Variants in RAB34 observed in about 807,000 individuals in gnomAD.
RAB34 encodes the protein RAB34, member RAS oncogene family, also known as ras-related protein Rab-34.
In RAB34, 33 loss-of-function variants were observed where a neutral mutation model predicts 39.0. The observed-to-expected ratio is 0.85, with a 90% confidence interval of 0.64 to 1.13. RAB34 has a LOEUF of 1.13. Ranked by LOEUF, RAB34 falls within the 50% of genes most tolerant of loss-of-function variation. RAB34 has a pLI of 0.00. For missense variants in RAB34, 289 were observed against 326.1 expected, an observed-to-expected ratio of 0.89 and a Z score of 0.88; for synonymous variants, 135 against 125.1, an observed-to-expected ratio of 1.08 and a Z score of -0.53.
Position 28,714,360 on chromosome 17 carries a change from G to A in RAB34, c.*283C>T, listed in dbSNP as rs2032972521. 3.3e-6 allele frequency: 2 copies of A among 605,116 alleles called. No homozygotes were observed. Among genetic ancestry groups the A allele is most frequent in the Non-Finnish European group, 2.9e-6 (1 of 339,818 alleles). 37.5% of individuals were successfully genotyped at this position (605,116 alleles called of 1,614,324 possible). A position where few individuals can be genotyped will look rare whatever the true frequency, so the allele number is the denominator to read the frequency against. On this transcript the variant is annotated 3_prime_UTR_variant, in exon 10 of 10. Coordinates refer to ENST00000395245, the MANE Select transcript of RAB34 (RefSeq NM_031934.6). ...CATTAAGCATCCTCAAACACAAAGGGCCCAGCAGGCTGAGCAAAAGAACAG... is the reference window on the plus strand; with the variant it reads ...CATTAAGCATCCTCAAACACAAAGGACCCAGCAGGCTGAGCAAAAGAACAG...
In RAB34 at chr17:28,717,333, C is replaced by A. The variant is rs2151711351; in HGVS notation, c.-67G>T. 5 of 1,540,670 alleles carry A rather than the reference C, an allele frequency of 3.2e-6. No individual in the cohort carries two copies. In the African/African-American group the frequency reaches 4.1e-5, roughly 13 times the overall value. On this transcript the variant is annotated 5_prime_UTR_variant, in exon 1 of 10. Transcript: ENST00000395245. Reference sequence around the variant, plus strand: ...GCCGGATCCGCGTCAGCGACCCGGGCGCGTGGAGACCCGACGATCACCCGC... The same window carrying A: ...GCCGGATCCGCGTCAGCGACCCGGGAGCGTGGAGACCCGACGATCACCCGC...
In RAB34 at chr17:28,715,561, T is replaced by C. The variant is rs1029224566; in HGVS notation, c.380-54A>G. ...TTGACAGGGAAGACACTACTGCTCA[T>C]TTCCCCAATCCTTCCAGCTCCATAT... On this transcript the variant is annotated intron_variant, in intron 5 of 9. Coordinates refer to ENST00000395245, the MANE Select transcript of RAB34 (RefSeq NM_031934.6). 7 of 1,613,962 alleles carry C rather than the reference T, an allele frequency of 4.3e-6. No homozygotes were observed. In the African/African-American group the frequency reaches 9.3e-5, roughly 22 times the overall value.
At chr17:28,716,095 G>A (rs758883616) in intron 2 of RAB34, 37 bp from the exon 3 acceptor site, 31 of 1,612,862 alleles carry the variant, frequency 1.9e-5, no homozygotes, top group Non-Finnish European at 2.5e-5. Context: ...GAGTGGGCAC[G>A]AGCTCTTTCA....
chr17:28,717,233 C>T lies in RAB34; in HGVS notation c.34G>A (p.Val12Ile), dbSNP rs779659664. The change falls in exon 1 of 10, where the codon GTC becomes ATC. Residue 12 changes from valine (V) to isoleucine (I), a missense_variant. By Grantham distance (29) the Val-to-Ile change is conservative. Transcript: ENST00000395245. ...CCTACCTGGGGCAGCTCCGCCAGGACGCGATCCCTCCGCACGGGTGCCAGA... is the reference window on the plus strand; with the variant it reads ...CCTACCTGGGGCAGCTCCGCCAGGATGCGATCCCTCCGCACGGGTGCCAGA... ...NILAPVRRDR[V>I]LAELPQCLRK... The T allele has an allele frequency of 6.2e-7, 1 of 1,606,070 alleles. No individual in the cohort carries two copies. The highest frequency in any genetic ancestry group is 8.5e-7 in the Non-Finnish European group (1 of 1,178,614).
At chr17:28,715,355 C>G in intron 6 of RAB34, 79 bp from the exon 7 acceptor site, 8 of 1,578,204 alleles carry the variant, frequency 5.1e-6, no homozygotes, top group South Asian at 1.1e-5. Flanking sequence ...CCAATTACCC[C>G]CTCTCTGGTC....
upstream of RAB34, chr17:28,718,239 C>T (rs757092768): frequency 1.3e-6 from 2 of 1,574,188 alleles, no homozygotes; most frequent in Admixed American, 1.9e-5. Flanking sequence ...CGCTTCCCTC[C>T]TCAACTCCAG....
chr17:28,715,261 A>G lies in RAB34; in HGVS notation c.447T>C (p.Asp149=). The G allele has an allele frequency of 6.2e-7, 1 of 1,613,248 alleles. No homozygotes were observed. The highest frequency in any genetic ancestry group is 1.1e-5 in the South Asian group (1 of 91,054). ...SLEHTKQWLA[D]ALKENDPSSV... ...TGGAAGGGTCATTCTCCTTCAGGGC[A>G]TCGGCCAGCCACTGCCTGCCATGGG... The change falls in exon 7 of 10, where the codon GAT becomes GAC. Residue 149 remains aspartate (D), a synonymous_variant. Transcript: ENST00000395245.
rs142412914 is a variant in RAB34 at position 28,716,019 on chromosome 17, C to G, written c.186G>C (p.Ser62=). The change falls in exon 3 of 10, where the codon TCG becomes TCC. Residue 62 remains serine, a synonymous_variant. Transcript: ENST00000395245. ...ISKVIVVGDL[S]VGKTCLINRF... Reference sequence around the variant, plus strand: ...TATTAATGAGGCAAGTCTTCCCCACCGACAGGTCCCCCACCACAATGACCT... The same window carrying G: ...TATTAATGAGGCAAGTCTTCCCCACGGACAGGTCCCCCACCACAATGACCT... 30 of 1,614,016 alleles carry G rather than the reference C, an allele frequency of 1.9e-5. No individual in the cohort carries two copies. Among genetic ancestry groups the G allele is most frequent in the Non-Finnish European group, 2.5e-5 (29 of 1,180,012 alleles).
At chr17:28,718,351 G>T, upstream of RAB34, 3 of 1,203,006 alleles carry the variant, frequency 2.5e-6, no homozygotes, top group Non-Finnish European at 3.5e-6. Flanking sequence ...GGGTGCCAGG[G>T]TTAGAATGAG....
chr17:28,718,167 T>A, upstream of RAB34: 1 of 1,609,728 alleles, frequency 6.2e-7, no homozygotes, highest in Non-Finnish European at 8.5e-7. Context: ...GCGCAGCATC[T>A]GGCGATGCCA....
At chr17:28,715,726 AG>A in intron 4 of RAB34, 21 bp from the exon 5 acceptor site, 1 of 1,614,116 alleles carries the variant, frequency 6.2e-7, no homozygotes, top group South Asian at 1.1e-5. Context: ...GGAAGAGTGA[AG>A]CACAGGTATG....
chr17:28,716,888 G>A lies in RAB34; in HGVS notation c.146+15C>T. 1 of 1,606,444 alleles carries A rather than the reference G, an allele frequency of 6.2e-7. No homozygotes were observed. Among genetic ancestry groups the A allele is most frequent in the Non-Finnish European group, 8.5e-7 (1 of 1,176,206 alleles). On this transcript the variant is annotated intron_variant, in intron 2 of 9. Coordinates refer to ENST00000395245, the MANE Select transcript of RAB34 (RefSeq NM_031934.6). ...CTGGGACCTCCTCTCTTTGTTGTGG[G>A]TGTCCCTAACTCACCCCACGGTGCC...
At chr17:28,718,316 A>G, upstream of RAB34, 1 of 1,492,732 alleles carries the variant, frequency 6.7e-7, no homozygotes, top group Non-Finnish European at 9.0e-7. Context: ...GGGGGTGAGG[A>G]TGGTGGAGGG....
intron 2 of RAB34, 61 bp from the exon 3 acceptor site, chr17:28,716,119 C>T: frequency 1.2e-6 from 2 of 1,609,604 alleles, no homozygotes; most frequent in South Asian, 2.2e-5. Context: ...TAGGGAGTTC[C>T]AATGCTCCCG....
In RAB34 at chr17:28,717,809, G is replaced by A. The variant is rs1032061793; in HGVS notation, c.-543C>T. 2 of 1,323,470 alleles carry A rather than the reference G, an allele frequency of 1.5e-6. No homozygotes were observed. Among genetic ancestry groups the A allele is most frequent in the South Asian group, 4.4e-5 (2 of 44,988 alleles). The allele number at this position is 1,323,470 out of a possible 1,614,324, so 82.0% of individuals were successfully genotyped here. On this transcript the variant is annotated 5_prime_UTR_variant, in exon 1 of 10. Coordinates refer to ENST00000395245, the MANE Select transcript of RAB34 (RefSeq NM_031934.6). ...CGCAGGCCGCTGGAGGAGGGGGCGA[G>A]GGGCCCAGTCCGGCTACAGGGCCTC...
upstream of RAB34, chr17:28,718,340 G>A (rs914923660): frequency 7.5e-7 from 1 of 1,330,864 alleles, no homozygotes; most frequent in Non-Finnish European, 1.0e-6. Context: ...GCGTGCGAAG[G>A]GGGTGCCAGG....
rs1303908614 is a variant in RAB34 at position 28,715,174 on chromosome 17, TC to T, written c.513+20del. ...GGCATTCCCTCACCAAGCTGGGAAG[TC>T]CCCCCACTGGCACACTCACACTCAG... On this transcript the variant is annotated intron_variant, in intron 7 of 9. Transcript: ENST00000395245. 2 of 1,612,424 alleles carry T rather than the reference TC, an allele frequency of 1.2e-6. No homozygotes were observed. The highest frequency in any genetic ancestry group is 2.2e-5 in the South Asian group (2 of 91,026).
rs777305504 is a variant in RAB34 at position 28,716,945 on chromosome 17, C to T, written c.104G>A (p.Arg35His). Residue 35 changes from arginine to histidine, a missense_variant, in exon 2 of 10, where the codon CGC becomes CAC. By Grantham distance (29) the Arg-to-His change is conservative. Coordinates refer to ENST00000395245, the MANE Select transcript of RAB34 (RefSeq NM_031934.6). Reference sequence around the variant, plus strand: ...GTGCTCCTGGCAGGCGCAGGTGACGCGGGGGTGGAAGTCTTTGTGCCCGTG... The same window carrying T: ...GTGCTCCTGGCAGGCGCAGGTGACGTGGGGGTGGAAGTCTTTGTGCCCGTG... Reference protein sequence around the residue: ...ALHGHKDFHPRVTCACQEHRT... With the variant: ...ALHGHKDFHPHVTCACQEHRT... 11 of 1,613,474 alleles carry T rather than the reference C, an allele frequency of 6.8e-6. No homozygotes were observed. Among genetic ancestry groups the T allele is most frequent in the Admixed American group, 6.7e-5 (4 of 60,000 alleles).
chr17:28,718,059 G>A, upstream of RAB34: 1 of 1,483,422 alleles, frequency 6.7e-7, no homozygotes, highest in Non-Finnish European at 9.0e-7. Context: ...TCCAGATAGG[G>A]ACTCCCCAGG....
Sources: allele counts gnomAD v4.1 joint callset, GRCh38; gene constraint gnomAD v4.1.1; transcripts MANE v1.5; gene names NCBI Gene and HGNC (gene_info 2026-07-23, HGNC 2026-07-21).